Variants in FMOD observed in about 807,000 individuals in gnomAD.
FMOD encodes the protein KSPG fibromodulin.
In FMOD, 15 loss-of-function variants were observed where a neutral mutation model predicts 27.0. That is an observed-to-expected ratio of 0.55 (90% CI 0.37 to 0.85). FMOD has a LOEUF of 0.85. Ranked by LOEUF, FMOD falls within the 40% of genes least tolerant of loss-of-function variation. FMOD has a pLI of 0.00. For synonymous variants in FMOD, 210 were observed against 214.0 expected (o/e 0.98, Z 0.16); for missense variants, 460 against 483.2 (o/e 0.95, Z 0.45).
chr1:203,341,681 C>A lies in FMOD; in HGVS notation c.*662G>T, dbSNP rs1201068017. On this transcript the variant is annotated 3_prime_UTR_variant, in exon 3 of 3. Coordinates refer to ENST00000354955, the MANE Select transcript of FMOD (RefSeq NM_002023.5). ...ATGCTGGTGACCTCCAATCTGGTGG[C>A]TTTCCAGGGGTGAGGTTAGGGAGGT... 6.6e-6 allele frequency: 1 copy of A among 152,304 alleles called. No individual in the cohort carries two copies. Among genetic ancestry groups the A allele is most frequent in the Admixed American group, 6.5e-5 (1 of 15,280 alleles). The allele number at this position is 152,304 out of a possible 1,614,324, so 9.4% of individuals were successfully genotyped here. A position where few individuals can be genotyped will look rare whatever the true frequency, so the allele number is the denominator to read the frequency against.
At chr1:203,348,944 T>C (rs1448203360) in intron 1 of FMOD, among the ~76,000 whole-genome samples, 1 of 152,214 alleles carries the variant, frequency 6.6e-6, no homozygotes, top group Non-Finnish European at 1.5e-5. Flanking sequence ...TGTAACAGTC[T>C]GCTGAGTGAG....
chr1:203,346,104 T>A (rs1290880069), intron 2 of FMOD, among the ~76,000 whole-genome samples: 1 of 152,106 alleles, frequency 6.6e-6, no homozygotes, highest in Non-Finnish European at 1.5e-5. Context: ...GGCTGGTGCC[T>A]CTCTCACTCA....
chr1:203,347,400 T>C lies in FMOD; in HGVS notation c.871A>G (p.Asn291Asp), dbSNP rs747268376. 8.7e-6 allele frequency: 14 copies of C among 1,614,106 alleles called. No homozygotes were observed. Among genetic ancestry groups the C allele is most frequent in the Non-Finnish European group, 1.1e-5 (13 of 1,180,008 alleles). Residue 291 changes from asparagine (N) to aspartate (D), a missense_variant, in exon 2 of 3, where the codon AAT (asparagine) becomes GAT (aspartate). By Grantham distance (23) the Asn-to-Asp change is conservative (BLOSUM62 1). Coordinates refer to ENST00000354955, the MANE Select transcript of FMOD (RefSeq NM_002023.5). ...TNNGLASNTF[N>D]SSSLLELDLS... ...TCTAGCTCAAGGAGGCTGCTGGAAT[T>C]GAAGGTGTTGGAGGCCAGGCCATTG...
chr1:203,347,149 G>T (rs1023562462), intron 2 of FMOD, 143 bp downstream of exon 2: 12 of 872,234 alleles, frequency 1.4e-5, no homozygotes, highest in Non-Finnish European at 1.9e-5. Flanking sequence ...TTGTACAGGG[G>T]TATGGCTTGG....
rs1299929118 is a variant in FMOD, at chr1:203,342,155, T to C, written c.*188A>G. On this transcript the variant is annotated 3_prime_UTR_variant, in exon 3 of 3. Coordinates refer to ENST00000354955, the MANE Select transcript of FMOD (RefSeq NM_002023.5). ...CTGGAAAAGAGTGAGCTTCTGCCTATGTCCTCAGCAGAAGGCTGCCTGTCC... is the reference window on the plus strand; with the variant it reads ...CTGGAAAAGAGTGAGCTTCTGCCTACGTCCTCAGCAGAAGGCTGCCTGTCC... 5 of 584,716 alleles carry C rather than the reference T, an allele frequency of 8.6e-6. No homozygotes were observed. In the East Asian group the frequency reaches 1.5e-4, roughly 18 times the overall value. 36.2% of individuals were successfully genotyped at this position (584,716 alleles called of 1,614,324 possible).
Position 203,342,410 on chromosome 1 carries a change from A to T in FMOD, c.1064T>A (p.Ile355Asn). Residue 355 changes from isoleucine to asparagine, a missense_variant, in exon 3 of 3, where the codon ATC becomes AAC. Coordinates refer to ENST00000354955, the MANE Select transcript of FMOD (RefSeq NM_002023.5). ...LQVLRLDGNEIKRSAMPADAP... is the reference protein window; with the variant it reads ...LQVLRLDGNENKRSAMPADAP... ...GTCGGCAGGCATGGCGCTGCGCTTG[A>T]TCTCGTTCCCGTCCAGGCGCAGCAC... is the stretch of plus-strand genomic sequence containing the variant. The T allele has an allele frequency of 6.2e-7, 1 of 1,614,064 alleles. No homozygotes were observed. Among genetic ancestry groups the T allele is most frequent in the South Asian group, 1.1e-5 (1 of 91,078 alleles).
chr1:203,346,672 G>A (rs1051048391), intron 2 of FMOD, among the ~76,000 whole-genome samples: 1 of 152,064 alleles, frequency 6.6e-6, no homozygotes, highest in African/African-American at 2.4e-5. Flanking sequence ...TCAGCTCTGA[G>A]AATAAACACC....
intron 2 of FMOD, among the ~76,000 whole-genome samples, chr1:203,343,270 G>T (rs1658828577): frequency 6.6e-6 from 1 of 152,210 alleles, no homozygotes; most frequent in Non-Finnish European, 1.5e-5. Flanking sequence ...AGAGACAATA[G>T]TTCTGCTTGG....
Position 203,341,338 on chromosome 1 carries a change from G to A in FMOD, c.*1005C>T, listed in dbSNP as rs1200466971. On this transcript the variant is annotated 3_prime_UTR_variant, in exon 3 of 3. Transcript: ENST00000354955. Reference sequence around the variant, plus strand: ...GAATCTTCCTGCTTGGATAAAAGGAGAGGACAAACTGTGTTTCTCATACTT... The same window carrying A: ...GAATCTTCCTGCTTGGATAAAAGGAAAGGACAAACTGTGTTTCTCATACTT... The A allele has an allele frequency of 1.3e-5, 2 of 152,168 alleles. No homozygotes were observed. The highest frequency in any genetic ancestry group is 4.8e-5 in the African/African-American group (2 of 41,434). 9.4% of individuals were successfully genotyped at this position (152,168 alleles called of 1,614,324 possible).
intron 2 of FMOD, among the ~76,000 whole-genome samples, chr1:203,344,618 C>T (rs1658854990): frequency 6.6e-6 from 1 of 152,122 alleles, no homozygotes; most frequent in Admixed American, 6.6e-5. Flanking sequence ...AGGGAAGTGG[C>T]GAGGAGAGGA....
At chr1:203,343,004 C>T (rs780961312) in intron 2 of FMOD, among the ~76,000 whole-genome samples, 8 of 152,072 alleles carry the variant, frequency 5.3e-5, no homozygotes, top group South Asian at 4.1e-4. Context: ...AAGCCTGGGC[C>T]GAGAGACAAG....
At chr1:203,343,378 C>A (rs1211367087) in intron 2 of FMOD, among the ~76,000 whole-genome samples, 1 of 152,170 alleles carries the variant, frequency 6.6e-6, no homozygotes, top group African/African-American at 2.4e-5. Context: ...TCTACTGGGT[C>A]AGTAACTTGA....
In FMOD at chr1:203,347,450, C is replaced by T. The variant is rs369136071; in HGVS notation, c.821G>A (p.Arg274Gln). Residue 274 changes from arginine to glutamine, a missense_variant, in exon 2 of 3, where the codon CGG (arginine) becomes CAG (glutamine). Arg to Gln is a conservative substitution (Grantham distance 43). Coordinates refer to ENST00000354955, the MANE Select transcript of FMOD (RefSeq NM_002023.5). ...GTTGGTTAGACTGTTGTGGGACAGC[C>T]GCACATACAGCAGCTTGGGCGCCCC... ...FRGAPKLLYVRLSHNSLTNNG... is the reference protein window; with the variant it reads ...FRGAPKLLYVQLSHNSLTNNG... The T allele has an allele frequency of 1.7e-5, 27 of 1,614,128 alleles. No individual in the cohort carries two copies. The highest frequency in any genetic ancestry group is 4.4e-5 in the South Asian group (4 of 91,074).
chr1:203,345,198 C>A (rs758339209), intron 2 of FMOD, among the ~76,000 whole-genome samples: 3 of 152,116 alleles, frequency 2.0e-5, no homozygotes, highest in Non-Finnish European at 2.9e-5. Context: ...GGAGTAGACA[C>A]CGAAAATTTG....
At position 203,340,798 on chromosome 1, in the gene FMOD, T is replaced by A. The variant is rs1658781903; in HGVS notation, c.*1545A>T. 6.6e-6 allele frequency: 1 copy of A among 152,268 alleles called. No individual in the cohort carries two copies. The highest frequency in any genetic ancestry group is 6.5e-5 in the Admixed American group (1 of 15,290). The allele number at this position is 152,268 out of a possible 1,614,324, so 9.4% of individuals were successfully genotyped here. A position where few individuals can be genotyped will look rare whatever the true frequency, so the allele number is the denominator to read the frequency against. On this transcript the variant is annotated 3_prime_UTR_variant, in exon 3 of 3. Transcript: ENST00000354955. ...TCGGAGCTCCTTTGTTGAAATGAGC[T>A]GGTTTGGCTTTTGTGGATTCCAGGT...
Position 203,347,408 on chromosome 1 carries a change from T to C in FMOD, c.863A>G (p.Asn288Ser), listed in dbSNP as rs148613876. 8.0e-5 allele frequency: 129 copies of C among 1,614,086 alleles called. No individual in the cohort carries two copies. Among genetic ancestry groups the C allele is most frequent in the Non-Finnish European group, 1.1e-4 (126 of 1,180,004 alleles). ...NSLTNNGLAS[N>S]TFNSSSLLEL... is the part of the protein sequence containing the mutation. ...AAGGAGGCTGCTGGAATTGAAGGTG[T>C]TGGAGGCCAGGCCATTGTTGGTTAG... The change falls in exon 2 of 3, where the codon AAC becomes AGC. Residue 288 changes from asparagine (N) to serine (S), a missense_variant. Physicochemically the swap from Asn to Ser is conservative, Grantham distance 46. Transcript: ENST00000354955.
intron 2 of FMOD, among the ~76,000 whole-genome samples, chr1:203,344,532 A>G (rs1658853957): frequency 6.6e-6 from 1 of 152,208 alleles, no homozygotes; most frequent in Non-Finnish European, 1.5e-5. Flanking sequence ...GCTCCACTGA[A>G]TCCCAAAGCT....
intron 1 of FMOD, among the ~76,000 whole-genome samples, chr1:203,350,793 G>T (rs76532691): frequency 0.019 from 2,853 of 152,300 alleles, 29 homozygotes; most frequent in African/African-American, 0.033. Context: ...TTTCATGCCT[G>T]AGAATTGGAG....
intron 1 of FMOD, among the ~76,000 whole-genome samples, chr1:203,348,918 C>G (rs1426103596): frequency 1.3e-5 from 2 of 152,194 alleles, no homozygotes; most frequent in Admixed American, 6.6e-5. Context: ...AGGTTGCCCT[C>G]CAAAGTGCCA....
Sources: allele counts gnomAD v4.1 joint callset (sites outside exome capture counted in the v4.1 genomes callset), GRCh38; gene constraint gnomAD v4.1.1; transcripts MANE v1.5; gene names NCBI Gene and HGNC (gene_info 2026-07-23, HGNC 2026-07-21).